The following VWA8 variants were observed in gnomAD, a reference collection of about 807,000 sequenced individuals.
VWA8 encodes von Willebrand factor A domain containing 8.
VWA8 carries 221 observed loss-of-function variants against 241.5 expected under a neutral mutation model. The ratio of observed to expected loss-of-function variants is 0.91; its 90% confidence interval spans 0.82 to 1.02. VWA8 has a LOEUF of 1.02. VWA8 is among the 50% of genes least tolerant of loss of function. The pLI, the probability that VWA8 is intolerant of heterozygous loss-of-function variation, is 0.00. For missense variants in VWA8, 2,322 were observed against 2,328.7 expected (o/e 1.00, Z 0.06); for synonymous variants, 852 against 827.1 (o/e 1.03, Z -0.52).
At chr13:41,712,450 T>C (rs1401236375) in intron 26 of VWA8, among the ~76,000 whole-genome samples, 3 of 152,220 alleles carry the variant, frequency 2.0e-5, no homozygotes, top group Non-Finnish European at 2.9e-5. Context: ...TATTAATTCC[T>C]GGAATCAATG....
chr13:41,701,260 T>C, intron 28 of VWA8, 132 bp downstream of exon 28: 7 of 1,142,448 alleles, frequency 6.1e-6, no homozygotes, highest in Non-Finnish European at 8.3e-6. Flanking sequence ...AAATTACATA[T>C]AATTGCTATC....
intron 19 of VWA8, among the ~76,000 whole-genome samples, chr13:41,780,873 C>T (rs1868857928): frequency 6.6e-6 from 1 of 152,164 alleles, no homozygotes; most frequent in African/African-American, 2.4e-5. Flanking sequence ...GTTTACTCTT[C>T]TGTTTACTTT....
chr13:41,858,236 T>C (rs1333157408), intron 12 of VWA8, among the ~76,000 whole-genome samples: 3 of 152,204 alleles, frequency 2.0e-5, no homozygotes, highest in Non-Finnish European at 4.4e-5. Context: ...AAGTTTATAG[T>C]CTGATAGGTT....
In VWA8 at chr13:41,819,246, C is replaced by T; in HGVS notation, c.1841G>A (p.Ser614Asn). Reference sequence around the variant, plus strand: ...TTCCTTAATCACTTGGATTTCTTCACTTTTCACAAGTGGTTTCATGTAATG... The same window carrying T: ...TTCCTTAATCACTTGGATTTCTTCATTTTTCACAAGTGGTTTCATGTAATG... ...FFHYMKPLVK[S>N]EEIQVIKEKV... The change falls in exon 15 of 45, where the codon AGT becomes AAT. Residue 614 changes from serine to asparagine, a missense_variant. Transcript: ENST00000379310. 6.2e-7 allele frequency: 1 copy of T among 1,607,174 alleles called. No individual in the cohort carries two copies. The highest frequency in any genetic ancestry group is 8.5e-7 in the Non-Finnish European group (1 of 1,178,492).
intron 14 of VWA8, among the ~76,000 whole-genome samples, chr13:41,827,424 T>C (rs1034679998): frequency 1.3e-5 from 2 of 152,156 alleles, no homozygotes; most frequent in Admixed American, 6.5e-5. Flanking sequence ...TTTAGTGACA[T>C]AGAAGTAAAT....
intron 17 of VWA8, among the ~76,000 whole-genome samples, chr13:41,794,138 A>G (rs529089880): frequency 1.3e-5 from 2 of 148,754 alleles, no homozygotes; most frequent in East Asian, 2.0e-4. Flanking sequence ...TTAGTTTTTT[A>G]TGAATTTTAA....
intron 34 of VWA8, among the ~76,000 whole-genome samples, 184 bp from the exon 35 acceptor site, chr13:41,685,426 T>C (rs935885597): frequency 6.6e-6 from 1 of 152,038 alleles, no homozygotes; most frequent in Non-Finnish European, 1.5e-5. Context: ...GAGGCCAAGG[T>C]TGGTGGATCA....
intron 9 of VWA8, among the ~76,000 whole-genome samples, chr13:41,873,511 A>G (rs963129948): frequency 3.3e-5 from 5 of 152,154 alleles, no homozygotes; most frequent in Admixed American, 6.6e-5. Context: ...TATCACCACC[A>G]ATCCCACAGA....
At chr13:41,953,917 C>A (rs1878246926) in intron 1 of VWA8, among the ~76,000 whole-genome samples, 1 of 152,170 alleles carries the variant, frequency 6.6e-6, no homozygotes, top group South Asian at 2.1e-4. Flanking sequence ...ACTGGAAAAT[C>A]CCCAAACATT....
intron 35 of VWA8, among the ~76,000 whole-genome samples, chr13:41,675,734 C>G (rs1468669198): frequency 6.6e-6 from 1 of 151,556 alleles, no homozygotes; most frequent in Non-Finnish European, 1.5e-5. Context: ...ATTGACCTCT[C>G]TGAGGCCTGC....
chr13:41,698,795 C>T (rs1384568847), intron 29 of VWA8, among the ~76,000 whole-genome samples: 1 of 152,122 alleles, frequency 6.6e-6, no homozygotes, highest in Non-Finnish European at 1.5e-5. Context: ...GTGTAAGCTT[C>T]ATAACAAAGA....
chr13:41,874,232 T>G (rs1349593576), intron 9 of VWA8, among the ~76,000 whole-genome samples: 1 of 150,420 alleles, frequency 6.6e-6, no homozygotes, highest in Non-Finnish European at 1.5e-5. Context: ...AATATCATAC[T>G]GAATGGGCAA....
chr13:41,620,351 C>T (rs985564390), intron 37 of VWA8, among the ~76,000 whole-genome samples: 15 of 151,730 alleles, frequency 9.9e-5, no homozygotes, highest in Admixed American at 2.6e-4. Context: ...TTATTTGATT[C>T]TTCTCTCTTT....
chr13:41,675,194 A>G (rs1186989871), intron 36 of VWA8, 21 bp downstream of exon 36: 1 of 1,579,876 alleles, frequency 6.3e-7, no homozygotes, highest in South Asian at 1.1e-5. Flanking sequence ...CTAAGCTAAG[A>G]ACAAAGGTGA....
chr13:41,938,555 G>A (rs1460387109), intron 2 of VWA8, among the ~76,000 whole-genome samples: 2 of 151,938 alleles, frequency 1.3e-5, no homozygotes, highest in Non-Finnish European at 2.9e-5. Context: ...GGAGGCTGAG[G>A]CAGGAGGATC....
chr13:41,819,349 C>A lies in VWA8; in HGVS notation c.1738G>T (p.Ala580Ser). ...CCAATAACAGGGGGTTCTGCCAAGG[C>A]AATGATTCTGAAGGAGGGATGGATA... ...FPIHPSFRII[A>S]LAEPPVIGST... Residue 580 changes from alanine (A) to serine (S), a missense_variant, in exon 15 of 45, where the codon GCC becomes TCC. Physicochemically the swap from Ala to Ser is moderately conservative, Grantham distance 99. Coordinates refer to ENST00000379310, the MANE Select transcript of VWA8 (RefSeq NM_015058.2). The A allele has an allele frequency of 6.2e-7, 1 of 1,608,332 alleles. No individual in the cohort carries two copies. Among genetic ancestry groups the A allele is most frequent in the East Asian group, 2.2e-5 (1 of 44,458 alleles).
rs1021276735 is a variant in VWA8 at position 41,932,079 on chromosome 13, G to C, written c.241+17857C>G. 1.3e-4 allele frequency among the ~76,000 whole-genome samples: 19 copies of C among 152,000 alleles called. 1 individual carries two copies. Among genetic ancestry groups the C allele is most frequent in the Non-Finnish European group, 1.6e-4 (11 of 67,966 alleles). On this transcript the variant is annotated intron_variant, in intron 2 of 44. Transcript: ENST00000379310. ...CCTCTGGTCAGACTATTAAGAGAGAGAAGACACAATTCACCAACATCATGA... is the reference window on the plus strand; with the variant it reads ...CCTCTGGTCAGACTATTAAGAGAGACAAGACACAATTCACCAACATCATGA...
intron 37 of VWA8, among the ~76,000 whole-genome samples, chr13:41,669,153 G>C (rs1365825780): frequency 6.6e-6 from 1 of 152,048 alleles, no homozygotes; most frequent in Non-Finnish European, 1.5e-5. Flanking sequence ...CTTTAAACTG[G>C]AGACATAAAG....
chr13:41,748,324 T>C (rs932940824), intron 21 of VWA8, among the ~76,000 whole-genome samples: 4 of 152,204 alleles, frequency 2.6e-5, no homozygotes, highest in Non-Finnish European at 4.4e-5. Flanking sequence ...GGCTTAGTCT[T>C]GGGAGGGTGT....
Sources: allele counts gnomAD v4.1 joint callset (sites outside exome capture counted in the v4.1 genomes callset), GRCh38; gene constraint gnomAD v4.1.1; transcripts MANE v1.5; gene names NCBI Gene and HGNC (gene_info 2026-07-23, HGNC 2026-07-21).